WLS: variants seen among roughly 807,000 people sequenced by gnomAD.
WLS encodes Wnt ligand secretion mediator.
A neutral mutation model predicts 62.8 loss-of-function variants in WLS; 23 were observed. The ratio of observed to expected loss-of-function variants is 0.37; its 90% CI spans 0.26 to 0.52. The LOEUF (loss-of-function observed/expected upper bound fraction) is 0.52. Among genes scored for constraint, WLS ranks in the 20% least tolerant of loss-of-function variants. WLS has a pLI of 0.92. For synonymous variants in WLS, 246 were observed against 244.1 expected, an observed-to-expected ratio of 1.01 and a Z score of -0.07; for missense variants, 615 against 697.3, an observed-to-expected ratio of 0.88 and a Z score of 1.33.
chr1:68,117,269 C>G (rs866825602), intron 11 of WLS, among the ~76,000 whole-genome samples: 7 of 152,314 alleles, frequency 4.6e-5, no homozygotes, highest in African/African-American at 1.7e-4. Flanking sequence ...TCTTCCCAAC[C>G]AATGAATGCT....
At chr1:68,110,164 T>G (rs1423959965) in intron 11 of WLS, among the ~76,000 whole-genome samples, 1 of 151,728 alleles carries the variant, frequency 6.6e-6, no homozygotes, top group Non-Finnish European at 1.5e-5. Context: ...TAAATATGTA[T>G]GAACAAAGGA....
At chr1:68,152,709 A>G (rs2100476006) in intron 5 of WLS, among the ~76,000 whole-genome samples, 1 of 152,284 alleles carries the variant, frequency 6.6e-6, no homozygotes, top group South Asian at 2.1e-4. Context: ...GCATTGCTGT[A>G]AAGAGGAGCA....
At position 68,183,655 on chromosome 1, in the gene WLS, T is replaced by A. The variant is rs148820010; in HGVS notation, c.379+10300A>T. 7.1e-3 allele frequency: 2,869 copies of A among 405,338 alleles called. 21 individuals carry two copies. Among genetic ancestry groups the A allele is most frequent in the Non-Finnish European group, 8.9e-3 (1,770 of 198,470 alleles). The allele number at this position is 405,338 out of a possible 1,614,324, so 25.1% of individuals were successfully genotyped here. On this transcript the variant is annotated intron_variant, in intron 2 of 11. Transcript: ENST00000262348. ...TAGAAGGATGAAATTCAGAGAATTG[T>A]TTATGATCAATAGATTGTTCCCTTT... is the stretch of plus-strand genomic sequence containing the variant.
At chr1:68,184,646 C>T (rs543877777) in intron 2 of WLS, among the ~76,000 whole-genome samples, 1 of 152,288 alleles carries the variant, frequency 6.6e-6, no homozygotes, top group South Asian at 2.1e-4. Context: ...ATTGAAATCC[C>T]ATATCCCTAA....
At chr1:68,231,950 C>T (rs890204222) in intron 1 of WLS, 51 of 592,274 alleles carry the variant, frequency 8.6e-5, no homozygotes, top group Admixed American at 7.8e-5. Context: ...CCGCCGCCCC[C>T]CTCTTGCCTT....
intron 11 of WLS, among the ~76,000 whole-genome samples, chr1:68,130,278 G>C (rs1646499561): frequency 6.6e-6 from 1 of 152,106 alleles, no homozygotes; most frequent in African/African-American, 2.4e-5. Context: ...TACCACTAGA[G>C]GTCTTCTAAT....
intron 3 of WLS, 90 bp downstream of exon 3, chr1:68,159,033 G>C (rs1252593953): frequency 6.5e-7 from 1 of 1,532,484 alleles, no homozygotes; most frequent in African/African-American, 1.4e-5. Context: ...CTCATGCGAA[G>C]AAGGGACACA....
In WLS at chr1:68,186,583, A is replaced by G. The variant is rs141727986; in HGVS notation, c.379+7372T>C. The G allele has an allele frequency of 8.0e-4, 365 of 455,978 alleles. 2 individuals are homozygous for G. Among genetic ancestry groups the G allele is most frequent in the African/African-American group, 6.6e-3 (329 of 50,186 alleles). 28.2% of individuals were successfully genotyped at this position (455,978 alleles called of 1,614,324 possible). On this transcript the variant is annotated intron_variant, in intron 2 of 11. Transcript: ENST00000262348. ...ACAGGTGAATCTCTGATAAGCAGGA[A>G]GCCATCATGTGTAATAGGATCTTGT...
intron 11 of WLS, among the ~76,000 whole-genome samples, chr1:68,110,799 T>C (rs769239616): frequency 1.8e-4 from 27 of 152,078 alleles, no homozygotes; most frequent in Admixed American, 5.2e-4. Context: ...AGATCATGAG[T>C]GGCTTATTCA....
Position 68,145,864 on chromosome 1 carries a change from C to A in WLS, c.1278+5G>T, listed in dbSNP as rs992387748. ...GTTCCAGAACGAGCCAAGAAATCTG[C>A]CCACCTCATAGTGTAGCCGCCGGAC... On this transcript the variant is annotated splice_donor_5th_base_variant and intron_variant, in intron 9 of 11. Transcript: ENST00000262348. 5.0e-6 allele frequency: 8 copies of A among 1,613,740 alleles called. No homozygotes were observed. Among genetic ancestry groups the A allele is most frequent in the Non-Finnish European group, 6.8e-6 (8 of 1,179,904 alleles).
chr1:68,150,474 T>C (rs551467381), intron 5 of WLS, 118 bp from the exon 6 acceptor site: 9 of 1,375,874 alleles, frequency 6.5e-6, no homozygotes, highest in South Asian at 2.7e-5. Context: ...TGAAGCCATA[T>C]GATCAATTTC....
At position 68,194,138 on chromosome 1, in the gene WLS, A is replaced by G. The variant is rs986908036; in HGVS notation, c.196T>C (p.Trp66Arg). The G allele has an allele frequency of 6.2e-7, 1 of 1,614,222 alleles. No homozygotes were observed. The highest frequency in any genetic ancestry group is 8.5e-7 in the Non-Finnish European group (1 of 1,180,042). ...NHHKTKWFVP[W>R]GPNHCDKIRD... The stretch of plus-strand genomic sequence containing the variant: ...ATCTTGTCACAATGATTGGGTCCCC[A>G]AGGCACGAACCATTTTGTCTTGTGA... Residue 66 changes from tryptophan (W) to arginine (R), a missense_variant, in exon 2 of 12, where the codon TGG (tryptophan) becomes CGG (arginine). Physicochemically the swap from Trp to Arg is moderately radical, Grantham distance 101. Coordinates refer to ENST00000262348, the MANE Select transcript of WLS (RefSeq NM_024911.7).
chr1:68,186,515 T>A (rs1325020593), intron 2 of WLS: 8 of 372,492 alleles, frequency 2.1e-5, no homozygotes, highest in Non-Finnish European at 2.7e-5. Flanking sequence ...AAAAAAAAAA[T>A]GGATTGGTCT....
rs1306908094 is a variant in WLS, at chr1:68,183,003, TGATTCTCC to T, written c.379+10944_379+10951del. On this transcript the variant is annotated intron_variant, in intron 2 of 11. Transcript: ENST00000262348. ...GCAACCTCCACCTCCCAGGTTCAAG[TGATTCTCC>T]TGCCTCAGCCTCCCAAGTAGCTGGG... Among the ~76,000 whole-genome samples the T allele has an allele frequency of 2.0e-5, 3 of 152,174 alleles. No individual in the cohort carries two copies. In the East Asian group the frequency reaches 5.8e-4, roughly 30 times the overall value.
At chr1:68,131,260 T>TAGTA (rs1466361100) in intron 11 of WLS, among the ~76,000 whole-genome samples, 2 of 151,800 alleles carry the variant, frequency 1.3e-5, no homozygotes, top group East Asian at 1.9e-4. Flanking sequence ...ATGTGGTATA[T>TAGTA]AGTAAGTGCT....
chr1:68,228,735 T>C (rs1650269826), intron 1 of WLS, among the ~76,000 whole-genome samples: 1 of 150,296 alleles, frequency 6.7e-6, no homozygotes, highest in Admixed American at 6.7e-5. Context: ...AAAAGCATTA[T>C]ATAAATCAGT....
At chr1:68,130,263 G>A (rs940421091) in intron 11 of WLS, among the ~76,000 whole-genome samples, 4 of 152,118 alleles carry the variant, frequency 2.6e-5, no homozygotes, top group Admixed American at 2.6e-4. Context: ...GGGAGAGATC[G>A]GAGGTACCAC....
At chr1:68,183,364 T>C (rs1055902292) in intron 2 of WLS, among the ~76,000 whole-genome samples, 5 of 152,258 alleles carry the variant, frequency 3.3e-5, no homozygotes, top group East Asian at 1.9e-4. Context: ...AAGGACTATC[T>C]GCTGAAGCAC....
At chr1:68,231,811 G>A in intron 1 of WLS, 1 of 491,912 alleles carries the variant, frequency 2.0e-6, no homozygotes, top group Non-Finnish European at 3.9e-6. Context: ...TCCCGGAGCT[G>A]ATTGGAAGGG....
Sources: allele counts gnomAD v4.1 joint callset (sites outside exome capture counted in the v4.1 genomes callset), GRCh38; gene constraint gnomAD v4.1.1; transcripts MANE v1.5; gene names NCBI Gene and HGNC (gene_info 2026-07-23, HGNC 2026-07-21).